The following CHD1L variants were observed in gnomAD, a reference collection of about 807,000 sequenced individuals.
The protein encoded by CHD1L is ATP-dependent chromatin remodeler CHD1L.
CHD1L carries 118 observed loss-of-function variants against 115.9 expected under a neutral mutation model. The observed-to-expected ratio is 1.02, with a 90% CI of 0.88 to 1.19. CHD1L has a LOEUF of 1.19. Ranked by LOEUF, CHD1L falls within the 50% of genes most tolerant of loss-of-function variation. CHD1L has a pLI of 0.00. For synonymous variants in CHD1L, 411 were observed against 387.1 expected, an observed-to-expected ratio of 1.06 and a Z score of -0.72; for missense variants, 1,179 against 1,065.3, an observed-to-expected ratio of 1.11 and a Z score of -1.49.
At position 147,242,786 on chromosome 1, in the gene CHD1L, C is replaced by T; in HGVS notation, c.83C>T (p.Ala28Val). Residue 28 changes from alanine to valine, a missense_variant, in exon 1 of 23, where the codon GCG (alanine) becomes GTG (valine). Transcript: ENST00000369258. ...CTTCATACTGAGGGCCGAGCCGAGG[C>T]GGCGCGGGTGCAGGAGCAGGACTTA... ...LRLHTEGRAE[A>V]ARVQEQDLRQ... is the part of the protein sequence containing the mutation. 2 of 1,272,752 alleles carry T rather than the reference C, an allele frequency of 1.6e-6. No individual in the cohort carries two copies. Among genetic ancestry groups the T allele is most frequent in the Non-Finnish European group, 2.0e-6 (2 of 1,002,256 alleles). 78.8% of individuals were successfully genotyped at this position (1,272,752 alleles called of 1,614,324 possible).
intron 15 of CHD1L, among the ~76,000 whole-genome samples, chr1:147,283,399 A>G (rs1303558460): frequency 1.3e-5 from 2 of 152,202 alleles, no homozygotes; most frequent in Non-Finnish European, 2.9e-5. Context: ...AACATGTGCT[A>G]CTAAATATGC....
At chr1:147,279,770 A>AT (rs1313622341) in intron 14 of CHD1L, among the ~76,000 whole-genome samples, 16 of 152,066 alleles carry the variant, frequency 1.1e-4, no homozygotes, top group Admixed American at 5.9e-4. Context: ...AGGCTTATAC[A>AT]TTTTTTTTGT....
At chr1:147,233,636 CG>C in the CHD1L span, among the ~76,000 whole-genome samples, 1 of 151,984 alleles carries the variant, frequency 6.6e-6, no homozygotes, top group South Asian at 2.1e-4. Context: ...ATGACAATGG[CG>C]GTTGTGGAAT....
rs782176662 is a variant in CHD1L, at chr1:147,255,054, T to C, written c.347+78T>C. On this transcript the variant is annotated intron_variant, in intron 3 of 22. Transcript: ENST00000369258. ...TTTCTGGATGATGTATAAAATATGA[T>C]AAAACAACCTATTGTCGTAATTAGT... is the stretch of plus-strand genomic sequence containing the variant. 4.8e-5 allele frequency: 50 copies of C among 1,048,526 alleles called. 1 individual carries two copies. Among genetic ancestry groups the C allele is most frequent in the Non-Finnish European group, 6.7e-5 (49 of 730,806 alleles). 65.0% of individuals were successfully genotyped at this position (1,048,526 alleles called of 1,614,324 possible).
chr1:147,247,122 A>G (rs1666876634), intron 1 of CHD1L, among the ~76,000 whole-genome samples: 1 of 152,112 alleles, frequency 6.6e-6, no homozygotes, highest in African/African-American at 2.4e-5. Context: ...GTGTTGAGAG[A>G]TTTGCCTCTA....
At chr1:147,290,739 G>A (rs187448268) in intron 19 of CHD1L, among the ~76,000 whole-genome samples, 3 of 151,882 alleles carry the variant, frequency 2.0e-5, no homozygotes, top group South Asian at 2.1e-4. Flanking sequence ...CCACAGCCTC[G>A]AACTCCTTTG....
intron 5 of CHD1L, among the ~76,000 whole-genome samples, chr1:147,258,706 T>G (rs1346428656): frequency 2.0e-5 from 3 of 152,182 alleles, no homozygotes; most frequent in Non-Finnish European, 4.4e-5. Context: ...GAAGAGGGCC[T>G]CCTCCTTGTA....
intron 12 of CHD1L, among the ~76,000 whole-genome samples, chr1:147,273,938 T>C (rs1677268648): frequency 6.6e-6 from 1 of 152,256 alleles, no homozygotes; most frequent in Non-Finnish European, 1.5e-5. Context: ...AATATGTTCC[T>C]ATTCATGGAT....
chr1:147,217,797 C>A, the CHD1L span, among the ~76,000 whole-genome samples: 4 of 152,300 alleles, frequency 2.6e-5, no homozygotes, highest in East Asian at 7.7e-4. Flanking sequence ...CCATTTCCTG[C>A]AGAATAAAGT....
the CHD1L span, chr1:147,178,112 C>G: frequency 6.3e-7 from 1 of 1,578,400 alleles, no homozygotes; most frequent in Non-Finnish European, 8.6e-7. Context: ...CACCTCGCCG[C>G]CATGTGCCTC....
intron 10 of CHD1L, among the ~76,000 whole-genome samples, chr1:147,269,639 AG>A (rs1675343267): frequency 7.7e-6 from 1 of 129,540 alleles, no homozygotes; most frequent in African/African-American, 3.0e-5. Flanking sequence ...ACTGCACTCC[AG>A]CCTGGTGACA....
At position 147,255,947 on chromosome 1, in the gene CHD1L, T is replaced by C. The variant is rs1553940060; in HGVS notation, c.462+20T>C. On this transcript the variant is annotated intron_variant, in intron 4 of 22. Transcript: ENST00000369258. ...TATGAGGTATTCATTCGTTTCTCTA[T>C]AGCGAGAACTCCTAACCTGTGACCT... 3.0e-5 allele frequency: 46 copies of C among 1,528,978 alleles called. No individual in the cohort carries two copies. The highest frequency in any genetic ancestry group is 4.1e-5 in the Non-Finnish European group (45 of 1,108,078). 94.7% of individuals were successfully genotyped at this position (1,528,978 alleles called of 1,614,324 possible).
chr1:147,182,523 C>G, the CHD1L span, among the ~76,000 whole-genome samples: 1 of 152,220 alleles, frequency 6.6e-6, no homozygotes, highest in East Asian at 1.9e-4. Context: ...TGAGGTTTTT[C>G]TGTTAAATGT....
Position 147,268,784 on chromosome 1 carries a change from G to T in CHD1L, c.991G>T (p.Val331Leu). Residue 331 changes from valine to leucine, a missense_variant and splice_region_variant, in exon 10 of 23, where the codon GTG (valine) becomes TTG (leucine). Val to Leu is a conservative substitution (Grantham distance 32, BLOSUM62 1). Coordinates refer to ENST00000369258, the MANE Select transcript of CHD1L (RefSeq NM_004284.6). ...CVDHPYLFDGVEPEPFEVGDH... is the reference protein window; with the variant it reads ...CVDHPYLFDGLEPEPFEVGDH... ...GGAGTGGGTTCTTTCTTTTCTAGGTGTGGAGCCGGAGCCTTTTGAAGTTGG... is the reference window on the plus strand; with the variant it reads ...GGAGTGGGTTCTTTCTTTTCTAGGTTTGGAGCCGGAGCCTTTTGAAGTTGG... 1 of 1,613,012 alleles carries T rather than the reference G, an allele frequency of 6.2e-7. No homozygotes were observed. Among genetic ancestry groups the T allele is most frequent in the South Asian group, 1.1e-5 (1 of 91,050 alleles).
chr1:147,257,539 A>G (rs1328974594), intron 5 of CHD1L, among the ~76,000 whole-genome samples: 1 of 152,170 alleles, frequency 6.6e-6, no homozygotes, highest in Non-Finnish European at 1.5e-5. Context: ...TCAGGAAAGT[A>G]AATCATAGAG....
At chr1:147,289,212 G>A (rs906025679) in intron 19 of CHD1L, among the ~76,000 whole-genome samples, 1 of 147,406 alleles carries the variant, frequency 6.8e-6, no homozygotes, top group Non-Finnish European at 1.5e-5. Flanking sequence ...AGGAGTCCCT[G>A]TTTGGAGTCT....
intron 12 of CHD1L, 101 bp from the exon 13 acceptor site, chr1:147,275,253 C>T: frequency 1.2e-6 from 1 of 829,486 alleles, no homozygotes; most frequent in South Asian, 1.5e-5. Flanking sequence ...ATTGTTTTGA[C>T]TGATTTCAGT....
Position 147,275,331 on chromosome 1 carries a change from A to G in CHD1L, c.1271-23A>G, listed in dbSNP as rs781988182. On this transcript the variant is annotated intron_variant, in intron 12 of 22. Coordinates refer to ENST00000369258, the MANE Select transcript of CHD1L (RefSeq NM_004284.6). Reference sequence around the variant, plus strand: ...TCCTCGTCTTTGTGCTGCTGATTACATTCCTTTTTGCATTGTTTTCAGGTG... The same window carrying G: ...TCCTCGTCTTTGTGCTGCTGATTACGTTCCTTTTTGCATTGTTTTCAGGTG... 2.6e-6 allele frequency: 4 copies of G among 1,566,088 alleles called. No individual in the cohort carries two copies. The Admixed American group carries it at 5.0e-5, about 20-fold the overall frequency.
intron 20 of CHD1L, among the ~76,000 whole-genome samples, chr1:147,291,972 T>C (rs1434342015): frequency 1.3e-5 from 2 of 151,962 alleles, no homozygotes; most frequent in African/African-American, 4.8e-5. Context: ...TACGGGGGGT[T>C]GGGGCTTCAA....
Sources: allele counts gnomAD v4.1 joint callset (sites outside exome capture counted in the v4.1 genomes callset), GRCh38; gene constraint gnomAD v4.1.1; transcripts MANE v1.5; gene names NCBI Gene and HGNC (gene_info 2026-07-23, HGNC 2026-07-21).